Variants in ADGRA3 observed in about 807,000 individuals in gnomAD.
The protein encoded by ADGRA3 is G-protein coupled receptor 125.
ADGRA3 carries 56 observed loss-of-function variants against 119.8 expected under a neutral mutation model. That is an observed-to-expected ratio of 0.47 (90% CI 0.38 to 0.58). ADGRA3 has a LOEUF of 0.58. ADGRA3 is among the 20% of genes least tolerant of loss of function. The pLI, the probability that ADGRA3 is intolerant of heterozygous loss-of-function variation, is 0.00. For missense variants in ADGRA3, 1,516 were observed against 1,649.0 expected (o/e 0.92, Z 1.40); for synonymous variants, 607 against 623.8 (o/e 0.97, Z 0.40).
intron 11 of ADGRA3, among the ~76,000 whole-genome samples, chr4:22,423,446 A>T (rs1232265186): frequency 2.0e-5 from 3 of 152,198 alleles, no homozygotes; most frequent in Non-Finnish European, 4.4e-5. Context: ...CCAGTAAAAT[A>T]ATTAGGAAAT....
At chr4:22,425,361 C>T (rs909820423) in intron 10 of ADGRA3, among the ~76,000 whole-genome samples, 4 of 152,106 alleles carry the variant, frequency 2.6e-5, no homozygotes, top group Admixed American at 1.3e-4. Flanking sequence ...TCGCTCACTT[C>T]GTAACTTACA....
chr4:22,509,372 G>C lies in ADGRA3; in HGVS notation c.257+6156C>G, dbSNP rs565109059. Among the ~76,000 whole-genome samples the C allele has an allele frequency of 3.3e-3, 505 of 151,686 alleles. 2 individuals carry two copies. The highest frequency in any genetic ancestry group is 5.5e-3 in the Non-Finnish European group (374 of 67,918). ...AAAAAAATTAGCTGGGCGTGGTGGC[G>C]TGCACCTGTAATCCCAGCTACTCGG... On this transcript the variant is annotated intron_variant, in intron 1 of 18. Coordinates refer to ENST00000334304, the MANE Select transcript of ADGRA3 (RefSeq NM_145290.4).
At chr4:22,454,584 T>C (rs758200747) in intron 4 of ADGRA3, among the ~76,000 whole-genome samples, 5 of 152,180 alleles carry the variant, frequency 3.3e-5, no homozygotes, top group Non-Finnish European at 7.3e-5. Flanking sequence ...CTTTTGATCA[T>C]ACTGCTCAGC....
chr4:22,398,836 G>A (rs1714486260), intron 16 of ADGRA3, among the ~76,000 whole-genome samples: 1 of 152,118 alleles, frequency 6.6e-6, no homozygotes, highest in South Asian at 2.1e-4. Context: ...GCATAGTGCT[G>A]CAATGAATAT....
At chr4:22,398,927 A>G (rs142212937) in intron 16 of ADGRA3, among the ~76,000 whole-genome samples, 56 of 152,344 alleles carry the variant, frequency 3.7e-4, no homozygotes, top group Middle Eastern at 3.4e-3. Context: ...TCCAGGGTAC[A>G]TGAACATGTA....
chr4:22,407,781 G>GAGATTCATAT (rs1483863498), intron 14 of ADGRA3, among the ~76,000 whole-genome samples: 1 of 152,152 alleles, frequency 6.6e-6, no homozygotes, highest in Non-Finnish European at 1.5e-5. Flanking sequence ...TTACTTGTCA[G>GAGATTCATAT]AGATTCATAT....
intron 2 of ADGRA3, among the ~76,000 whole-genome samples, chr4:22,462,613 C>A (rs1717507962): frequency 6.6e-6 from 1 of 152,144 alleles, no homozygotes; most frequent in South Asian, 2.1e-4. Context: ...CTGCACTCAG[C>A]CTACGGTTAG....
intron 7 of ADGRA3, 72 bp downstream of exon 7, chr4:22,442,578 C>T (rs1448201852): frequency 1.9e-5 from 20 of 1,034,642 alleles, no homozygotes; most frequent in Middle Eastern, 4.1e-4. Flanking sequence ...TTCCACTAAA[C>T]ATTACACCTC....
Position 22,453,059 on chromosome 4 carries a change from G to T in ADGRA3, c.473+1807C>A, listed in dbSNP as rs184951874. 8.8e-4 allele frequency among the ~76,000 whole-genome samples: 134 copies of T among 151,656 alleles called. 3 individuals are homozygous for T. The highest frequency in any genetic ancestry group is 6.8e-3 in the Middle Eastern group (2 of 294). ...TAAAAATACAAAAAAAAAATTAGCCGGGCGTGGTGGCGGGCACCTGTAATC... is the reference window on the plus strand; with the variant it reads ...TAAAAATACAAAAAAAAAATTAGCCTGGCGTGGTGGCGGGCACCTGTAATC... On this transcript the variant is annotated intron_variant, in intron 4 of 18. Coordinates refer to ENST00000334304, the MANE Select transcript of ADGRA3 (RefSeq NM_145290.4).
At chr4:22,447,817 C>T (rs554646123) in intron 4 of ADGRA3, among the ~76,000 whole-genome samples, 49 of 152,228 alleles carry the variant, frequency 3.2e-4, no homozygotes, top group African/African-American at 1.1e-3. Flanking sequence ...ACTAGAATTA[C>T]TCGAAGGGTT....
At chr4:22,461,619 T>G (rs1577362636) in intron 3 of ADGRA3, 118 bp downstream of exon 3, 1 of 676,236 alleles carries the variant, frequency 1.5e-6, no homozygotes, top group East Asian at 2.8e-5. Context: ...ATCAGGGACC[T>G]GGCCAGGTAA....
intron 2 of ADGRA3, among the ~76,000 whole-genome samples, chr4:22,466,712 C>CAA (rs35298977): frequency 1.0e-4 from 15 of 147,348 alleles, no homozygotes; most frequent in African/African-American, 9.9e-5. Context: ...GACTCCGTCT[C>CAA]AAAAAAAAAA....
In ADGRA3 at chr4:22,493,967, G is replaced by A. The variant is rs180739010; in HGVS notation, c.258-20124C>T. On this transcript the variant is annotated intron_variant, in intron 1 of 18. Coordinates refer to ENST00000334304, the MANE Select transcript of ADGRA3 (RefSeq NM_145290.4). ...CACCTATAATCCCAGCACTTTGGGAGGCCGAGGCGGGTGGATCACAAGGTC... is the reference window on the plus strand; with the variant it reads ...CACCTATAATCCCAGCACTTTGGGAAGCCGAGGCGGGTGGATCACAAGGTC... Among the ~76,000 whole-genome samples the A allele has an allele frequency of 4.9e-3, 750 of 152,232 alleles. 8 individuals carry two copies. The highest frequency in any genetic ancestry group is 0.017 in the African/African-American group (709 of 41,538).
intron 17 of ADGRA3, among the ~76,000 whole-genome samples, chr4:22,390,812 C>G (rs563416174): frequency 6.6e-6 from 1 of 152,178 alleles, no homozygotes; most frequent in Admixed American, 6.5e-5. Context: ...CTGCCTTTTC[C>G]TTAACTCTTT....
chr4:22,387,753 G>A lies in ADGRA3; in HGVS notation c.3918C>T (p.Ser1306=), dbSNP rs555807339. 6 of 1,613,954 alleles carry A rather than the reference G, an allele frequency of 3.7e-6. No individual in the cohort carries two copies. The South Asian group carries it at 5.5e-5, about 15-fold the overall frequency. ...ATAATCCAGTCCTAACATTGCCAGT[G>A]CTATCGGTACCGAGCAAGGGTCCCT... ...GQEGPLLGTD[S]TGNVRTGLWK... The change falls in exon 19 of 19, where the codon AGC becomes AGT. Residue 1306 remains serine, a synonymous_variant. Transcript: ENST00000334304.
At chr4:22,456,703 G>A (rs1717251451) in intron 3 of ADGRA3, among the ~76,000 whole-genome samples, 1 of 152,122 alleles carries the variant, frequency 6.6e-6, no homozygotes, top group Non-Finnish European at 1.5e-5. Context: ...CTGTGATCAT[G>A]TAAGCCAATT....
chr4:22,404,737 C>T (rs1477731007), intron 14 of ADGRA3, among the ~76,000 whole-genome samples: 1 of 151,590 alleles, frequency 6.6e-6, no homozygotes, highest in Non-Finnish European at 1.5e-5. Context: ...GTGAGATGCC[C>T]GTAACACTAG....
intron 1 of ADGRA3, among the ~76,000 whole-genome samples, chr4:22,474,926 T>C (rs1717984298): frequency 6.6e-6 from 1 of 152,194 alleles, no homozygotes; most frequent in African/African-American, 2.4e-5. Flanking sequence ...TATATACAAA[T>C]GTAAATGGAG....
intron 1 of ADGRA3, chr4:22,515,284 G>A: frequency 2.9e-6 from 1 of 339,414 alleles, no homozygotes; most frequent in Non-Finnish European, 5.3e-6. Context: ...CGCGGGGAGC[G>A]CCTGAGAACC....
Sources: allele counts gnomAD v4.1 joint callset (sites outside exome capture counted in the v4.1 genomes callset), GRCh38; gene constraint gnomAD v4.1.1; transcripts MANE v1.5; gene names NCBI Gene and HGNC (gene_info 2026-07-23, HGNC 2026-07-21).